Variants in NOTCH3 observed in about 807,000 individuals in gnomAD.
NOTCH3 encodes the protein notch receptor 3, also known as neurogenic locus notch homolog protein 3.
In NOTCH3, 86 loss-of-function variants were observed where a neutral mutation model predicts 213.3. The ratio of observed to expected loss-of-function variants is 0.40; its 90% CI spans 0.34 to 0.48. The LOEUF (loss-of-function observed/expected upper bound fraction) is 0.48. Among genes scored for constraint, NOTCH3 ranks in the 20% least tolerant of loss-of-function variants. The pLI, the probability that NOTCH3 is intolerant of heterozygous loss-of-function variation, is 0.57. For synonymous variants in NOTCH3, 1,354 were observed against 1,355.9 expected (o/e 1.00, Z 0.03); for missense variants, 2,783 against 3,272.6 (o/e 0.85, Z 3.65).
intron 1 of NOTCH3, among the ~76,000 whole-genome samples, chr19:15,200,142 C>T (rs1277395963): frequency 1.3e-5 from 2 of 150,906 alleles, no homozygotes; most frequent in Non-Finnish European, 3.0e-5. Context: ...CTCGCCCCTT[C>T]CCCTCCCCGC....
rs1367294361 is a variant in NOTCH3 at position 15,181,806 on chromosome 19, G to A, written c.2567-5C>T. On this transcript the variant is annotated splice_polypyrimidine_tract_variant and splice_region_variant and intron_variant, in intron 16 of 32. Transcript: ENST00000263388. ...AGCCACCGTTCAGGCATGGGTCTGC[G>A]GACAGGAGGAAGGCGGTCTGGTCAC... 19 of 1,551,946 alleles carry A rather than the reference G, an allele frequency of 1.2e-5. 1 individual carries two copies. The Admixed American group carries it at 1.4e-4, about 11-fold the overall frequency.
rs1185715492 is a variant in NOTCH3, at chr19:15,177,758, G to A, written c.4170C>T (p.Ala1390=). 1.4e-6 allele frequency: 2 copies of A among 1,389,056 alleles called. No individual in the cohort carries two copies. Among genetic ancestry groups the A allele is most frequent in the East Asian group, 3.0e-5 (1 of 32,976 alleles). The allele number at this position is 1,389,056 out of a possible 1,614,324, so 86.0% of individuals were successfully genotyped here. A position where few individuals can be genotyped will look rare whatever the true frequency, so the allele number is the denominator to read the frequency against. ...EVSEEPRCPR[A]ACQAKRGDQR... ...GGTCCCCGCGCTTGGCCTGGCAGGC[G>A]GCGCGCGGGCACCGCGGCTCCTCCG... Residue 1390 remains alanine (A), a synonymous_variant, in exon 24 of 33, where the codon GCC becomes GCT. Transcript: ENST00000263388.
chr19:15,188,153 C>G, intron 9 of NOTCH3, 82 bp downstream of exon 9: 1 of 1,114,792 alleles, frequency 9.0e-7, no homozygotes, highest in Non-Finnish European at 1.3e-6. Context: ...TATCCGCTAA[C>G]GTGGTTTTAC....
Position 15,170,462 on chromosome 19 carries a change from A to G in NOTCH3, c.4983T>C (p.Gly1661=). ...AVLLLVILVL[G]VMVARRKREH... is the part of the protein sequence containing the mutation. Reference sequence around the variant, plus strand: ...CGCGCTTGCGCCGGGCCACCATGACACCCAGGACGAGAATGACCAGCAGCA... The same window carrying G: ...CGCGCTTGCGCCGGGCCACCATGACGCCCAGGACGAGAATGACCAGCAGCA... The change falls in exon 27 of 33, where the codon GGT becomes GGC. Residue 1661 remains glycine (G), a synonymous_variant. Transcript: ENST00000263388. 6.2e-7 allele frequency: 1 copy of G among 1,608,656 alleles called. No homozygotes were observed. The highest frequency in any genetic ancestry group is 8.5e-7 in the Non-Finnish European group (1 of 1,179,950).
At chr19:15,177,452 G>C (rs1190105167) in intron 24 of NOTCH3, 73 bp downstream of exon 24, 2 of 1,404,758 alleles carry the variant, frequency 1.4e-6, no homozygotes, top group Non-Finnish European at 2.0e-6. Context: ...GGTGGAAAGA[G>C]AGGCAGGGCC....
At chr19:15,183,689 T>A (rs1281820260) in intron 16 of NOTCH3, among the ~76,000 whole-genome samples, 1 of 151,932 alleles carries the variant, frequency 6.6e-6, no homozygotes, top group African/African-American at 2.4e-5. Flanking sequence ...GTGAGCCACC[T>A]CGCCCGGCCT....
chr19:15,193,770 C>CAAAAAAA lies in NOTCH3; in HGVS notation c.198-1258_198-1252dup, dbSNP rs71333358. Reference sequence around the variant, plus strand: ...TGGTTGACAGAGGGAGACTCCATCTCAAAAAAAAACAAAAAACAAAAAAAA... The same window carrying CAAAAAAA: ...TGGTTGACAGAGGGAGACTCCATCTCAAAAAAAAAAAAAAAACAAAAAACAAAAAAAA... On this transcript the variant is annotated intron_variant, in intron 2 of 32. Transcript: ENST00000263388. Among the ~76,000 whole-genome samples, 2 of 27,694 alleles carry CAAAAAAA rather than the reference C, an allele frequency of 7.2e-5. 1 individual carries two copies. Among genetic ancestry groups the CAAAAAAA allele is most frequent in the African/African-American group, 3.7e-4 (2 of 5,346 alleles). The allele number at this position is 27,694 out of a possible 152,430, so 18.2% of individuals were successfully genotyped here.
rs183839795 is a variant in NOTCH3 at position 15,161,328 on chromosome 19, C to A, written c.6300G>T (p.Ser2100=). 15 of 1,524,804 alleles carry A rather than the reference C, an allele frequency of 9.8e-6. No homozygotes were observed. The highest frequency in any genetic ancestry group is 1.3e-5 in the Non-Finnish European group (15 of 1,138,294). 94.5% of individuals were successfully genotyped at this position (1,524,804 alleles called of 1,614,324 possible). ...GCGGGGAGTCCAGCGAGTCCACGGG[C>A]GACAGCGTGACCGAGCTGTCAGCCA... The part of the protein sequence containing the change: ...GPLADSSVTL[S]PVDSLDSPRP... Residue 2100 remains serine (S), a synonymous_variant, in exon 33 of 33, where the codon TCG becomes TCT. Coordinates refer to ENST00000263388, the MANE Select transcript of NOTCH3 (RefSeq NM_000435.3).
At position 15,188,405 on chromosome 19, in the gene NOTCH3, T is replaced by G. The variant is rs2046901330; in HGVS notation, c.1379-57A>C. The G allele has an allele frequency of 2.7e-5, 31 of 1,139,416 alleles. 1 individual carries two copies. In the South Asian group the frequency reaches 3.8e-4, roughly 14 times the overall value. The allele number at this position is 1,139,416 out of a possible 1,614,324, so 70.6% of individuals were successfully genotyped here. Reference sequence around the variant, plus strand: ...GGGCTACCCTATGGTGTGAACGGGGTGCAAGGAAGGAGGTACTTCCCTTCC... The same window carrying G: ...GGGCTACCCTATGGTGTGAACGGGGGGCAAGGAAGGAGGTACTTCCCTTCC... On this transcript the variant is annotated intron_variant, in intron 8 of 32. Transcript: ENST00000263388.
At chr19:15,191,903 G>A (rs1193592181) in intron 4 of NOTCH3, 36 bp from the exon 5 acceptor site, 1 of 1,613,796 alleles carries the variant, frequency 6.2e-7, no homozygotes, top group Non-Finnish European at 8.5e-7. Context: ...TCACCGCCGG[G>A]CTGGCCTGCT....
chr19:15,192,486 C>G lies in NOTCH3; in HGVS notation c.231G>C (p.Gln77His), dbSNP rs1438944422. 1.2e-6 allele frequency: 2 copies of G among 1,603,330 alleles called. No individual in the cohort carries two copies. The highest frequency in any genetic ancestry group is 1.7e-5 in the Admixed American group (1 of 58,510). ...GGCCTGAGTGACAGGGGTCCTCCAGCTGACACCGCTCACCCACCCAGCCAG... is the reference window on the plus strand; with the variant it reads ...GGCCTGAGTGACAGGGGTCCTCCAGGTGACACCGCTCACCCACCCAGCCAG... ...CPPGWVGERC[Q>H]LEDPCHSGPC... is the part of the protein sequence containing the mutation. The change falls in exon 3 of 33, where the codon CAG becomes CAC. Residue 77 changes from glutamine to histidine, a missense_variant. Physicochemically the swap from Gln to His is conservative, Grantham distance 24. This residue lies in a region of NOTCH3 where 708 missense variants were observed against 906.6 expected (regional missense o/e 0.78). Coordinates refer to ENST00000263388, the MANE Select transcript of NOTCH3 (RefSeq NM_000435.3).
intron 10 of NOTCH3, among the ~76,000 whole-genome samples, chr19:15,187,563 G>GC (rs1264614730): frequency 7.0e-6 from 1 of 141,924 alleles, no homozygotes; most frequent in East Asian, 2.1e-4. Flanking sequence ...GTTAAATCCC[G>GC]CCCCCAGCTG....
At chr19:15,197,693 T>C in intron 1 of NOTCH3, 115 bp from the exon 2 acceptor site, 1 of 749,050 alleles carries the variant, frequency 1.3e-6, no homozygotes, top group East Asian at 3.4e-5. Context: ...GATGGGGGCG[T>C]CTCTGCGGGT....
chr19:15,199,389 A>C (rs2046993663), intron 1 of NOTCH3, among the ~76,000 whole-genome samples: 1 of 152,016 alleles, frequency 6.6e-6, no homozygotes, highest in Non-Finnish European at 1.5e-5. Flanking sequence ...TGTTGGTGTG[A>C]CCTGTGTGTG....
In NOTCH3 at chr19:15,170,178, A is replaced by T. The variant is rs768512046; in HGVS notation, c.5115-8T>A. 1 of 1,597,176 alleles carries T rather than the reference A, an allele frequency of 6.3e-7. No individual in the cohort carries two copies. The highest frequency in any genetic ancestry group is 1.1e-5 in the South Asian group (1 of 89,010). On this transcript the variant is annotated splice_polypyrimidine_tract_variant and splice_region_variant and intron_variant, in intron 27 of 32. Coordinates refer to ENST00000263388, the MANE Select transcript of NOTCH3 (RefSeq NM_000435.3). Reference sequence around the variant, plus strand: ...TCACCCTTGGCCATGTTCCTGGCGGACAATGGGAAGAGGGGATGTGAGGGG... The same window carrying T: ...TCACCCTTGGCCATGTTCCTGGCGGTCAATGGGAAGAGGGGATGTGAGGGG...
intron 2 of NOTCH3, among the ~76,000 whole-genome samples, chr19:15,195,124 C>T (rs576224576): frequency 8.3e-4 from 127 of 152,216 alleles, no homozygotes; most frequent in African/African-American, 3.0e-3. Flanking sequence ...CCACAGCATC[C>T]CACGCGGAAA....
At chr19:15,170,854 G>A (rs758799130) in intron 25 of NOTCH3, 29 bp from the exon 26 acceptor site, 6 of 1,611,494 alleles carry the variant, frequency 3.7e-6, no homozygotes, top group Non-Finnish European at 5.1e-6. Flanking sequence ...GGGACCAGAG[G>A]GCTCAAAAAT....
chr19:15,189,054 C>T lies in NOTCH3; in HGVS notation c.1313G>A (p.Gly438Glu), dbSNP rs1474051810. 4 of 1,613,160 alleles carry T rather than the reference C, an allele frequency of 2.5e-6. No individual in the cohort carries two copies. The highest frequency in any genetic ancestry group is 3.4e-6 in the Non-Finnish European group (4 of 1,180,032). ...GCACGTGGCCTGGTTTCGGCAGGGC[C>T]CCGACAGACACTCGTTGACATCGGT... is the stretch of plus-strand genomic sequence containing the variant. ...CETDVNECLSGPCRNQATCLD... is the reference protein window; with the variant it reads ...CETDVNECLSEPCRNQATCLD... The change falls in exon 8 of 33, where the codon GGG becomes GAG. Residue 438 changes from glycine (G) to glutamate (E), a missense_variant. Gly to Glu is a moderately conservative substitution (Grantham distance 98). Coordinates refer to ENST00000263388, the MANE Select transcript of NOTCH3 (RefSeq NM_000435.3).
intron 1 of NOTCH3, among the ~76,000 whole-genome samples, chr19:15,200,136 C>G (rs1599403142): frequency 6.6e-6 from 1 of 150,622 alleles, no homozygotes; most frequent in Admixed American, 6.6e-5. Flanking sequence ...TGGGCCCTCG[C>G]CCCTTCCCCT....
Sources: gnomAD v4.1 joint callset for allele counts (sites outside exome capture counted in the v4.1 genomes callset) on GRCh38, gnomAD v4.1.1 for gene constraint, gnomAD v4.1.1 regional missense constraint, MANE v1.5 for transcripts, NCBI Gene and HGNC (gene_info 2026-07-23, HGNC 2026-07-21) for gene names.